The following TMEM132D variants were observed in gnomAD, a reference collection of about 807,000 sequenced individuals.
TMEM132D encodes the protein mature OL transmembrane protein.
A neutral mutation model predicts 62.3 loss-of-function variants in TMEM132D; 21 were observed. The observed-to-expected ratio is 0.34, with a 90% CI of 0.24 to 0.49. TMEM132D has a LOEUF of 0.49. TMEM132D is among the 20% of genes least tolerant of loss of function. The pLI is 0.99. For missense variants in TMEM132D, 1,346 were observed against 1,402.8 expected (o/e 0.96, Z 0.65); for synonymous variants, 621 against 575.6 (o/e 1.08, Z -1.13).
At chr12:129,079,283 G>T (rs1280670354) in intron 7 of TMEM132D, among the ~76,000 whole-genome samples, 2 of 152,130 alleles carry the variant, frequency 1.3e-5, no homozygotes, top group Admixed American at 6.5e-5. Flanking sequence ...TGTACACTTT[G>T]GGAAACGCAG....
At chr12:129,559,765 T>C (rs1049693595) in intron 2 of TMEM132D, among the ~76,000 whole-genome samples, 5 of 152,230 alleles carry the variant, frequency 3.3e-5, no homozygotes, top group African/African-American at 1.2e-4. Flanking sequence ...ATCTTTAATA[T>C]TAAGCCTGCC....
At chr12:129,598,798 C>G (rs1383669287) in intron 2 of TMEM132D, among the ~76,000 whole-genome samples, 1 of 152,184 alleles carries the variant, frequency 6.6e-6, no homozygotes, top group Non-Finnish European at 1.5e-5. Context: ...TTCATTCCCT[C>G]TTTCTCTGAT....
At chr12:129,832,057 T>G (rs980086922) in intron 1 of TMEM132D, among the ~76,000 whole-genome samples, 2 of 131,178 alleles carry the variant, frequency 1.5e-5, no homozygotes, top group Non-Finnish European at 3.3e-5. Context: ...TTTTTTTTTT[T>G]TTTTGTATTT....
chr12:129,831,109 T>C (rs1044964866), intron 1 of TMEM132D, among the ~76,000 whole-genome samples: 1 of 152,106 alleles, frequency 6.6e-6, no homozygotes, highest in Non-Finnish European at 1.5e-5. Flanking sequence ...TTGAACCTCA[T>C]TGGCCTGTTT....
At chr12:129,645,171 G>C (rs1056083382) in intron 2 of TMEM132D, among the ~76,000 whole-genome samples, 1 of 152,062 alleles carries the variant, frequency 6.6e-6, no homozygotes, top group African/African-American at 2.4e-5. Context: ...AGGAGAGATT[G>C]AGAGTCCGAT....
At chr12:129,519,170 T>TA (rs1875773498) in intron 3 of TMEM132D, among the ~76,000 whole-genome samples, 1 of 152,168 alleles carries the variant, frequency 6.6e-6, no homozygotes, top group African/African-American at 2.4e-5. Flanking sequence ...AATTCAGGGC[T>TA]CTATGAACTT....
chr12:129,197,803 T>G (rs767179352), intron 5 of TMEM132D, among the ~76,000 whole-genome samples: 20 of 152,184 alleles, frequency 1.3e-4, no homozygotes, highest in Middle Eastern at 3.4e-3. Flanking sequence ...GAATGAAACA[T>G]AAACATTTCT....
intron 3 of TMEM132D, among the ~76,000 whole-genome samples, chr12:129,376,965 G>C (rs192249506): frequency 2.0e-5 from 3 of 152,300 alleles, no homozygotes; most frequent in Admixed American, 1.3e-4. Context: ...TTACTTCCTT[G>C]TGTGTCCCAT....
At chr12:129,214,057 C>T (rs901129181) in intron 4 of TMEM132D, among the ~76,000 whole-genome samples, 3 of 152,206 alleles carry the variant, frequency 2.0e-5, no homozygotes, top group Non-Finnish European at 4.4e-5. Flanking sequence ...CTGCTTAGCA[C>T]TTCCAGCCCA....
chr12:129,548,374 C>G (rs1876797922), intron 2 of TMEM132D, among the ~76,000 whole-genome samples: 2 of 152,174 alleles, frequency 1.3e-5, no homozygotes, highest in African/African-American at 2.4e-5. Flanking sequence ...TGTTCGCCTC[C>G]TCCCTGCCCT....
intron 3 of TMEM132D, 48 bp downstream of exon 3, chr12:129,531,011 C>A: frequency 7.3e-7 from 1 of 1,362,502 alleles, no homozygotes; most frequent in Non-Finnish European, 9.8e-7. Context: ...AAAAATCAGG[C>A]CACATTTGCA....
At chr12:129,131,008 T>C (rs1167182551) in intron 5 of TMEM132D, among the ~76,000 whole-genome samples, 2 of 152,144 alleles carry the variant, frequency 1.3e-5, no homozygotes, top group African/African-American at 4.8e-5. Context: ...CACTGTAAGT[T>C]ACCAAGGTGT....
At chr12:129,475,703 T>A (rs1874234269) in intron 3 of TMEM132D, among the ~76,000 whole-genome samples, 1 of 152,200 alleles carries the variant, frequency 6.6e-6, no homozygotes, top group African/African-American at 2.4e-5. Context: ...GGAAAGTGAT[T>A]TATAACAAAG....
chr12:129,195,913 G>T (rs1305495084), intron 5 of TMEM132D, among the ~76,000 whole-genome samples: 1 of 152,166 alleles, frequency 6.6e-6, no homozygotes, highest in Non-Finnish European at 1.5e-5. Flanking sequence ...GGTCACTTGA[G>T]GTCAGGAATT....
At chr12:129,088,035 T>C (rs368430427) in intron 5 of TMEM132D, among the ~76,000 whole-genome samples, 5 of 45,322 alleles carry the variant, frequency 1.1e-4, no homozygotes, top group African/African-American at 7.8e-4. Flanking sequence ...ATGACCGGGG[T>C]GTCCTCTATG....
chr12:129,328,868 G>A (rs1009770475), intron 4 of TMEM132D, among the ~76,000 whole-genome samples: 3 of 151,914 alleles, frequency 2.0e-5, no homozygotes, highest in Non-Finnish European at 4.4e-5. Context: ...TGGGTAGCTT[G>A]GGGCCATTCT....
intron 3 of TMEM132D, among the ~76,000 whole-genome samples, chr12:129,352,719 T>C (rs1869909269): frequency 6.6e-6 from 1 of 152,184 alleles, no homozygotes; most frequent in African/African-American, 2.4e-5. Flanking sequence ...AGATACCATC[T>C]CATGCCAGTC....
chr12:129,510,378 G>T (rs1431729855), intron 3 of TMEM132D, among the ~76,000 whole-genome samples: 1 of 152,092 alleles, frequency 6.6e-6, no homozygotes, highest in Non-Finnish European at 1.5e-5. Flanking sequence ...TTTGTCAGAT[G>T]GGTGGTTTGT....
At chr12:129,443,096 G>T (rs775514101) in intron 3 of TMEM132D, among the ~76,000 whole-genome samples, 1 of 152,120 alleles carries the variant, frequency 6.6e-6, no homozygotes, top group African/African-American at 2.4e-5. Flanking sequence ...CCTTGGGGTC[G>T]GCTGAGGCTG....
Sources: gnomAD v4.1 joint callset for allele counts (sites outside exome capture counted in the v4.1 genomes callset) on GRCh38, gnomAD v4.1.1 for gene constraint, MANE v1.5 for transcripts, NCBI Gene and HGNC (gene_info 2026-07-23, HGNC 2026-07-21) for gene names.